RPH3AL: variants seen among roughly 807,000 people sequenced by gnomAD.
RPH3AL encodes the protein rab effector Noc2.
A neutral mutation model predicts 43.1 loss-of-function variants in RPH3AL; 38 were observed. That is an observed-to-expected ratio of 0.88 (90% CI 0.68 to 1.15). RPH3AL has a LOEUF of 1.15. Among genes scored for constraint, RPH3AL ranks in the 50% most tolerant of loss-of-function variants. The probability of loss-of-function intolerance (pLI) is 0.00; values close to 1 mark genes in which losing one functional copy is unlikely to be tolerated. For missense variants in RPH3AL, 462 were observed against 423.2 expected, an observed-to-expected ratio of 1.09 and a Z score of -0.81; for synonymous variants, 189 against 176.3, an observed-to-expected ratio of 1.07 and a Z score of -0.57.
At chr17:291,216 T>C (rs1323683107) in intron 5 of RPH3AL, among the ~76,000 whole-genome samples, 1 of 151,794 alleles carries the variant, frequency 6.6e-6, no homozygotes, top group African/African-American at 2.4e-5. Flanking sequence ...CCTCAAAGAG[T>C]GTCCCATTGA....
At position 314,735 on chromosome 17, in the gene RPH3AL, CTCTGTGCTCCA is replaced by C. The variant is rs1555518990; in HGVS notation, c.351+4674_351+4684del. Among the ~76,000 whole-genome samples, 170 of 151,354 alleles carry C rather than the reference CTCTGTGCTCCA, an allele frequency of 1.1e-3. 1 individual carries two copies. The highest frequency in any genetic ancestry group is 3.5e-3 in the Middle Eastern group (1 of 286). On this transcript the variant is annotated intron_variant, in intron 5 of 9. Transcript: ENST00000331302. ...TGCTCCACCTCCACTGACCTGTAGTCTCTGTGCTCCACCTCCATTGACCTGTAGTCTCTGTG... is the reference window on the plus strand; with the variant it reads ...TGCTCCACCTCCACTGACCTGTAGTCCCTCCATTGACCTGTAGTCTCTGTG...
chr17:240,168 T>C (rs1049348728), intron 7 of RPH3AL, among the ~76,000 whole-genome samples: 2 of 148,298 alleles, frequency 1.3e-5, no homozygotes, highest in African/African-American at 5.0e-5. Flanking sequence ...ACCCAGGAGG[T>C]GGAGGTTGCA....
intron 1 of RPH3AL, among the ~76,000 whole-genome samples, chr17:337,235 T>C (rs144482554): frequency 6.6e-6 from 1 of 152,116 alleles, no homozygotes; most frequent in Non-Finnish European, 1.5e-5. Context: ...CGCATCAGCC[T>C]CCCAAGTCGC....
chr17:266,374 C>G (rs2042323437), intron 6 of RPH3AL, among the ~76,000 whole-genome samples: 1 of 151,850 alleles, frequency 6.6e-6, no homozygotes, highest in South Asian at 2.1e-4. Flanking sequence ...CCCCTCAACT[C>G]CAGTGGGAGT....
chr17:327,395 T>A, intron 3 of RPH3AL, 72 bp downstream of exon 3: 2 of 1,354,026 alleles, frequency 1.5e-6, no homozygotes, highest in South Asian at 2.3e-5. Flanking sequence ...TGGGAATGAA[T>A]CTTGCTGAAG....
chr17:335,339 G>A (rs960547246), intron 1 of RPH3AL, among the ~76,000 whole-genome samples: 1 of 152,162 alleles, frequency 6.6e-6, no homozygotes, highest in African/African-American at 2.4e-5. Context: ...CACGTGCGAA[G>A]GCCAACACCA....
At chr17:281,664 G>GCCCCCCCCACCCC in intron 6 of RPH3AL, 104 bp downstream of exon 6, 1 of 574,676 alleles carries the variant, frequency 1.7e-6, no homozygotes. Flanking sequence ...AGCGTATCCA[G>GCCCCCCCCACCCC]CCCGCCCAGC....
At chr17:262,344 TA>T (rs1567594896) in intron 6 of RPH3AL, among the ~76,000 whole-genome samples, 6 of 152,036 alleles carry the variant, frequency 3.9e-5, no homozygotes, top group Admixed American at 1.3e-4. Flanking sequence ...GCCTCCTGAG[TA>T]GCTGGGATTA....
intron 6 of RPH3AL, among the ~76,000 whole-genome samples, chr17:272,796 A>G (rs2042506333): frequency 6.8e-6 from 1 of 146,380 alleles, no homozygotes; most frequent in Non-Finnish European, 1.5e-5. Flanking sequence ...ACACCAAAAA[A>G]CCATGTAAGA....
At chr17:265,733 C>G (rs1317820709) in intron 6 of RPH3AL, among the ~76,000 whole-genome samples, 2 of 152,248 alleles carry the variant, frequency 1.3e-5, no homozygotes, top group African/African-American at 4.8e-5. Context: ...TTAATTCATT[C>G]AAATCACATT....
At chr17:272,967 T>TGAGACCCCAGCGAGGGTGACGTCAGGGA (rs1567604361) in intron 6 of RPH3AL, among the ~76,000 whole-genome samples, 4 of 50,458 alleles carry the variant, frequency 7.9e-5, no homozygotes, top group African/African-American at 3.6e-4. Context: ...TACGTCAGGG[T>TGAGACCCCAGCGAGGGTGACGTCAGGGA]GAGACCCCAG....
At chr17:275,235 AAAAAAAC>A (rs1292183986) in intron 6 of RPH3AL, among the ~76,000 whole-genome samples, 2 of 74,982 alleles carry the variant, frequency 2.7e-5, no homozygotes, top group Non-Finnish European at 7.0e-5. Flanking sequence ...CATAACAGCA[AAAAAAAC>A]AAAAAACAAA....
chr17:304,166 GC>G (rs200437502), intron 5 of RPH3AL, among the ~76,000 whole-genome samples: 3,768 of 104,218 alleles, frequency 0.036, 1,395 homozygotes, highest in Middle Eastern at 0.073. Flanking sequence ...AAAGAGTGGG[GC>G]AGGGAGGGAG....
intron 5 of RPH3AL, among the ~76,000 whole-genome samples, chr17:302,501 G>A (rs564527518): frequency 6.6e-6 from 1 of 152,338 alleles, no homozygotes; most frequent in East Asian, 1.9e-4. Flanking sequence ...GGTGCGGGGA[G>A]GAGAGAGGAA....
chr17:228,834 C>T (rs536455892), intron 7 of RPH3AL, among the ~76,000 whole-genome samples: 1 of 152,264 alleles, frequency 6.6e-6, no homozygotes, highest in East Asian at 1.9e-4. Flanking sequence ...TCTTCTGTGC[C>T]CTCTCTGGAC....
intron 1 of RPH3AL, among the ~76,000 whole-genome samples, chr17:349,663 A>G (rs969263249): frequency 6.6e-6 from 1 of 152,168 alleles, no homozygotes; most frequent in Non-Finnish European, 1.5e-5. Context: ...CTCTATAAAA[A>G]AACTTTTTAA....
chr17:349,313 G>C (rs2045309325), intron 1 of RPH3AL: 1 of 152,178 alleles, frequency 6.6e-6, no homozygotes, highest in African/African-American at 2.4e-5. Context: ...AACTTGGGCA[G>C]AGCTGGGAAC....
intron 7 of RPH3AL, among the ~76,000 whole-genome samples, chr17:222,270 C>G: frequency 6.6e-6 from 1 of 152,252 alleles, no homozygotes; most frequent in Middle Eastern, 3.2e-3. Context: ...GGGGCACGTG[C>G]CCAAGTTGTA....
In RPH3AL at chr17:328,355, T is replaced by A. The variant is rs1197974795; in HGVS notation, c.-36-776A>T. On this transcript the variant is annotated intron_variant, in intron 2 of 9. Coordinates refer to ENST00000331302, the MANE Select transcript of RPH3AL (RefSeq NM_006987.4). This position sits in a 1 kb window ranked among gnomAD's most constrained non-coding sequence, Gnocchi z 4.2. ...GGAGTGTGGGATGAGGCCGAGGGTA[T>A]CTGAATCCCAGAGCAAGGAGGAGGG... Among the ~76,000 whole-genome samples, 1 of 151,730 alleles carries A rather than the reference T, an allele frequency of 6.6e-6. No homozygotes were observed. Among genetic ancestry groups the A allele is most frequent in the Non-Finnish European group, 1.5e-5 (1 of 67,964 alleles).
Sources: allele counts gnomAD v4.1 joint callset (sites outside exome capture counted in the v4.1 genomes callset), GRCh38; gene constraint gnomAD v4.1.1; non-coding constraint Gnocchi (gnomAD v3.1); transcripts MANE v1.5; gene names NCBI Gene and HGNC (gene_info 2026-07-23, HGNC 2026-07-21).